The following CACNA2D2 variants were observed in gnomAD, a reference collection of about 807,000 sequenced individuals.
CACNA2D2 encodes the protein calcium voltage-gated channel auxiliary subunit alpha2delta 2, also known as voltage-dependent calcium channel subunit alpha-2/delta-2.
Under a neutral mutation model 166.4 loss-of-function variants are expected in CACNA2D2, and 48 were observed. That is an observed-to-expected ratio of 0.29 (90% CI 0.23 to 0.37). CACNA2D2 has a LOEUF of 0.37. CACNA2D2 is among the 10% of genes least tolerant of loss of function. The pLI, the probability that CACNA2D2 is intolerant of heterozygous loss-of-function variation, is 1.00. For missense variants in CACNA2D2, 1,122 were observed against 1,433.0 expected, an observed-to-expected ratio of 0.78 and a Z score of 3.50; for synonymous variants, 561 against 573.7, an observed-to-expected ratio of 0.98 and a Z score of 0.32.
chr3:50,432,582 G>A (rs1264948019), intron 3 of CACNA2D2, among the ~76,000 whole-genome samples: 1 of 152,240 alleles, frequency 6.6e-6, no homozygotes, highest in Non-Finnish European at 1.5e-5. Flanking sequence ...AGGTGAGAAG[G>A]TGGGGCGCGA....
chr3:50,365,375 C>T lies in CACNA2D2; in HGVS notation c.3079G>A (p.Asp1027Asn). The change falls in exon 35 of 38, where the codon GAC becomes AAC. Residue 1027 changes from aspartate to asparagine, a missense_variant. By Grantham distance (23) the Asp-to-Asn change is conservative. Coordinates refer to ENST00000424201, the MANE Select transcript of CACNA2D2 (RefSeq NM_006030.4). This position sits in a 1 kb window ranked among gnomAD's most constrained non-coding sequence, Gnocchi z 4.5. Reference sequence around the variant, plus strand: ...CAGCACCTGGAGCAGTTTCCGCAGTCGATGATGGCGTTGTAGGAGGCGTTT... The same window carrying T: ...CAGCACCTGGAGCAGTTTCCGCAGTTGATGATGGCGTTGTAGGAGGCGTTT... Reference protein sequence around the residue: ...SVNASYNAIIDCGNCSRLFHA... With the variant: ...SVNASYNAIINCGNCSRLFHA... The T allele has an allele frequency of 6.2e-7, 1 of 1,613,454 alleles. No individual in the cohort carries two copies. The highest frequency in any genetic ancestry group is 8.5e-7 in the Non-Finnish European group (1 of 1,179,808).
intron 1 of CACNA2D2, among the ~76,000 whole-genome samples, chr3:50,491,193 A>G (rs1020110654): frequency 2.0e-5 from 3 of 152,194 alleles, no homozygotes; most frequent in African/African-American, 7.2e-5. Context: ...CGGTTACAGG[A>G]AAGGACAGAA....
At chr3:50,452,152 G>A (rs868301115) in intron 2 of CACNA2D2, among the ~76,000 whole-genome samples, 1 of 152,222 alleles carries the variant, frequency 6.6e-6, no homozygotes, top group Non-Finnish European at 1.5e-5. Context: ...GGTGCACAGA[G>A]GCCTGGTCCC....
chr3:50,474,518 A>G (rs1710227370), intron 2 of CACNA2D2, among the ~76,000 whole-genome samples: 1 of 152,192 alleles, frequency 6.6e-6, no homozygotes, highest in African/African-American at 2.4e-5. Context: ...GACCTCGGCC[A>G]TGACGTATGA....
At chr3:50,369,283 C>A (rs76885784) in intron 23 of CACNA2D2, among the ~76,000 whole-genome samples, 1 of 152,240 alleles carries the variant, frequency 6.6e-6, no homozygotes, top group Non-Finnish European at 1.5e-5. Flanking sequence ...TCACCCTCCA[C>A]GTATTTATTG....
rs1704218185 is a variant in CACNA2D2 at position 50,365,649 on chromosome 3, G to A, written c.2955C>T (p.His985=). The A allele has an allele frequency of 6.3e-7, 1 of 1,581,146 alleles. No individual in the cohort carries two copies. The highest frequency in any genetic ancestry group is 8.6e-7 in the Non-Finnish European group (1 of 1,163,720). The change falls in exon 34 of 38, where the codon CAC becomes CAT. Residue 985 remains histidine (H), a synonymous_variant. Transcript: ENST00000424201. The surrounding 1 kb of genome is among the most constrained non-coding windows in gnomAD (Gnocchi z 4.5). The part of the protein sequence containing the change: ...FQQLLYGLIY[H]SWFQADPAEA... Reference sequence around the variant, plus strand: ...CCTACCTACCTGCTTGGAACCAGCTGTGGTAGATGAGGCCGTAGAGAAGCT... The same window carrying A: ...CCTACCTACCTGCTTGGAACCAGCTATGGTAGATGAGGCCGTAGAGAAGCT...
At position 50,366,394 on chromosome 3, in the gene CACNA2D2, A is replaced by C. The variant is rs1168352482; in HGVS notation, c.2638-56T>G. 1 of 1,575,676 alleles carries C rather than the reference A, an allele frequency of 6.3e-7. No individual in the cohort carries two copies. The highest frequency in any genetic ancestry group is 1.3e-5 in the African/African-American group (1 of 74,128). Reference sequence around the variant, plus strand: ...AGAGGGGCTGGGCCCCGGACCTTCCACCGCAGGCAGTCCAGTGGTTCAGAG... The same window carrying C: ...AGAGGGGCTGGGCCCCGGACCTTCCCCCGCAGGCAGTCCAGTGGTTCAGAG... On this transcript the variant is annotated intron_variant, in intron 30 of 37. Coordinates refer to ENST00000424201, the MANE Select transcript of CACNA2D2 (RefSeq NM_006030.4). This position sits in a 1 kb window ranked among gnomAD's most constrained non-coding sequence, Gnocchi z 5.9.
chr3:50,486,581 A>G (rs1366791547), intron 1 of CACNA2D2, among the ~76,000 whole-genome samples: 1 of 152,146 alleles, frequency 6.6e-6, no homozygotes, highest in Non-Finnish European at 1.5e-5. Flanking sequence ...AGGAGAGGCC[A>G]AGCGAAGACA....
At chr3:50,489,603 G>T (rs1384349168) in intron 1 of CACNA2D2, among the ~76,000 whole-genome samples, 4 of 143,156 alleles carry the variant, frequency 2.8e-5, no homozygotes, top group Non-Finnish European at 5.9e-5. Context: ...TGGGGCTGCC[G>T]GGAGCCTCCA....
intron 3 of CACNA2D2, among the ~76,000 whole-genome samples, chr3:50,418,791 G>A (rs1707402671): frequency 1.3e-5 from 2 of 152,274 alleles, no homozygotes; most frequent in Non-Finnish European, 2.9e-5. Flanking sequence ...GCCCCTCAGA[G>A]GCATGGGCCT....
chr3:50,466,200 G>A (rs543259627), intron 2 of CACNA2D2, among the ~76,000 whole-genome samples: 40 of 152,102 alleles, frequency 2.6e-4, no homozygotes, highest in Non-Finnish European at 5.4e-4. Context: ...CCCCATGCAG[G>A]GCTGCTGAGC....
At chr3:50,442,389 C>T (rs946141222) in intron 2 of CACNA2D2, among the ~76,000 whole-genome samples, 14 of 152,212 alleles carry the variant, frequency 9.2e-5, no homozygotes, top group Admixed American at 5.2e-4. Flanking sequence ...TGCTGAGTGC[C>T]TGCCCAAGAA....
chr3:50,479,052 T>C (rs1697925577), intron 1 of CACNA2D2, among the ~76,000 whole-genome samples: 1 of 152,192 alleles, frequency 6.6e-6, no homozygotes, highest in African/African-American at 2.4e-5. Flanking sequence ...AACACATTAT[T>C]ATAATCATCA....
intron 2 of CACNA2D2, among the ~76,000 whole-genome samples, chr3:50,445,991 A>G (rs1408196384): frequency 6.6e-6 from 1 of 152,074 alleles, no homozygotes; most frequent in African/African-American, 2.4e-5. Flanking sequence ...TCCAGCAGCA[A>G]CAGGGGCCAG....
At position 50,394,127 on chromosome 3, in the gene CACNA2D2, G is replaced by A. The variant is rs759227828; in HGVS notation, c.447C>T (p.Arg149=). The change falls in exon 4 of 38, where the codon CGC becomes CGT. Residue 149 remains arginine, a synonymous_variant. Transcript: ENST00000424201. ...DAAENFQKAH[R]WQDNIKEEDI... is the part of the protein sequence containing the mutation. ...TTCCTACCTTGATGTTGTCCTGCCA[G>A]CGGTGTGCTTTCTGGAAGTTCTCTG... is the stretch of plus-strand genomic sequence containing the variant. 1.2e-6 allele frequency: 2 copies of A among 1,613,998 alleles called. No individual in the cohort carries two copies. The highest frequency in any genetic ancestry group is 2.7e-5 in the African/African-American group (2 of 74,914).
At chr3:50,419,691 G>C (rs1315393955) in intron 3 of CACNA2D2, 1 of 152,224 alleles carries the variant, frequency 6.6e-6, no homozygotes, top group Admixed American at 6.5e-5. Context: ...GGATGTGGCG[G>C]AAGCACACAC....
At chr3:50,423,139 G>A (rs1238928336) in intron 3 of CACNA2D2, among the ~76,000 whole-genome samples, 1 of 152,182 alleles carries the variant, frequency 6.6e-6, no homozygotes, top group Non-Finnish European at 1.5e-5. Flanking sequence ...CTATGCCTAC[G>A]CAGCTCATGG....
chr3:50,384,390 G>T, intron 5 of CACNA2D2, 53 bp from the exon 6 acceptor site: 2 of 1,599,970 alleles, frequency 1.3e-6, no homozygotes, highest in South Asian at 2.3e-5. Context: ...GGTGAATTGG[G>T]TTGTAGAGGC....
At chr3:50,397,526 T>C (rs1438545256) in intron 3 of CACNA2D2, among the ~76,000 whole-genome samples, 1 of 152,124 alleles carries the variant, frequency 6.6e-6, no homozygotes, top group African/African-American at 2.4e-5. Flanking sequence ...CCCCGAGTCC[T>C]GGCCTGGGTT....
Sources: allele counts gnomAD v4.1 joint callset (sites outside exome capture counted in the v4.1 genomes callset), GRCh38; gene constraint gnomAD v4.1.1; non-coding constraint Gnocchi (gnomAD v3.1); transcripts MANE v1.5; gene names NCBI Gene and HGNC (gene_info 2026-07-23, HGNC 2026-07-21).